The following CFAP97 variants were observed in gnomAD, a reference collection of about 807,000 sequenced individuals.
CFAP97 encodes the protein cilia and flagella associated protein 97.
A neutral mutation model predicts 43.1 loss-of-function variants in CFAP97; 36 were observed. The observed-to-expected ratio is 0.84, with a 90% CI of 0.64 to 1.10. The LOEUF is 1.10. CFAP97 is among the 50% of genes least tolerant of loss of function. The pLI is 0.00. For synonymous variants in CFAP97, 228 were observed against 225.7 expected (o/e 1.01, Z -0.09); for missense variants, 657 against 620.3 (o/e 1.06, Z -0.63).
chr4:185,196,811 A>G (rs1168205057), intron 1 of CFAP97, among the ~76,000 whole-genome samples: 4 of 152,132 alleles, frequency 2.6e-5, no homozygotes, highest in Admixed American at 2.6e-4. Context: ...GAAGAAATGT[A>G]GTTTAAGGCC....
intron 3 of CFAP97, chr4:185,169,589 A>C: frequency 1.0e-6 from 1 of 978,870 alleles, no homozygotes; most frequent in Non-Finnish European, 1.2e-6. Flanking sequence ...CATTTATTTT[A>C]TATCCAGGAA....
At chr4:185,174,263 G>A (rs144623254) in intron 3 of CFAP97, among the ~76,000 whole-genome samples, 83 of 152,262 alleles carry the variant, frequency 5.5e-4, no homozygotes, top group Middle Eastern at 3.4e-3. Flanking sequence ...TTTGACATAC[G>A]GGAATTTCAA....
chr4:185,193,627 C>T (rs545653297), intron 1 of CFAP97, among the ~76,000 whole-genome samples: 13 of 152,180 alleles, frequency 8.5e-5, no homozygotes, highest in South Asian at 2.1e-4. Context: ...CCAGCCCAGA[C>T]GACAATATGA....
chr4:185,165,946 A>C (rs1168571095), intron 3 of CFAP97, among the ~76,000 whole-genome samples: 1 of 151,538 alleles, frequency 6.6e-6, no homozygotes, highest in Middle Eastern at 3.4e-3. Flanking sequence ...GGAGAGGAGG[A>C]GGTTGTTATA....
chr4:185,201,046 C>T (rs72704040), intron 1 of CFAP97, among the ~76,000 whole-genome samples: 2 of 151,870 alleles, frequency 1.3e-5, no homozygotes, highest in East Asian at 1.9e-4. Flanking sequence ...CTGTGAGGCT[C>T]GGTGCTGTGG....
upstream of CFAP97, chr4:185,209,869 C>T (rs1737462427): frequency 5.1e-6 from 5 of 983,298 alleles, no homozygotes; most frequent in South Asian, 1.4e-4. The surrounding 1 kb of genome is among the most constrained non-coding windows in gnomAD (Gnocchi z 5.2). Context: ...CGGCCCCAGC[C>T]CCGCGCGGGC....
intron 3 of CFAP97, chr4:185,169,145 C>T (rs1248549713): frequency 6.6e-6 from 1 of 152,154 alleles, no homozygotes; most frequent in African/African-American, 2.4e-5. Context: ...TGAGTAAGTT[C>T]TGGAGATCTA....
rs1207186239 is a variant in CFAP97, at chr4:185,170,321, G to A, written c.1320+5465C>T. The A allele has an allele frequency of 4.9e-6, 3 of 616,252 alleles. No individual in the cohort carries two copies. In the Admixed American group the frequency reaches 7.7e-5, roughly 16 times the overall value. The allele number at this position is 616,252 out of a possible 1,614,324, so 38.2% of individuals were successfully genotyped here. A position where few individuals can be genotyped will look rare whatever the true frequency, so the allele number is the denominator to read the frequency against. On this transcript the variant is annotated intron_variant, in intron 3 of 4. Transcript: ENST00000458385. The stretch of plus-strand genomic sequence containing the variant: ...AGATCACGTCACTGCACTCCAGCCT[G>A]GGTGACAGAGCGAGATAGTCTAAAT...
chr4:185,167,161 C>T (rs1020083126), intron 3 of CFAP97, among the ~76,000 whole-genome samples: 2 of 151,484 alleles, frequency 1.3e-5, no homozygotes, highest in Non-Finnish European at 2.9e-5. Context: ...AACTCTTATG[C>T]AAAAGTTAAA....
chr4:185,170,647 C>T (rs969375370), intron 3 of CFAP97, among the ~76,000 whole-genome samples: 1 of 151,650 alleles, frequency 6.6e-6, no homozygotes, highest in African/African-American at 2.4e-5. Context: ...CTCCTGACCT[C>T]AGGTGATCCA....
upstream of CFAP97, chr4:185,209,631 C>CGGCCCGGCAGCTACG (rs1737402361): frequency 4.8e-6 from 3 of 621,430 alleles, no homozygotes. This position sits in a 1 kb window ranked among gnomAD's most constrained non-coding sequence, Gnocchi z 5.2. Context: ...TGGCTGCGCC[C>CGGCCCGGCAGCTACG]GGCCCGGCAG....
At chr4:185,208,172 G>A (rs917400389), upstream of CFAP97, among the ~76,000 whole-genome samples, 5 of 151,960 alleles carry the variant, frequency 3.3e-5, no homozygotes, top group Non-Finnish European at 2.9e-5. Flanking sequence ...GCAATGGCGC[G>A]ATGTCGGCTC....
chr4:185,192,836 G>T (rs1020181476), intron 1 of CFAP97, among the ~76,000 whole-genome samples: 2 of 145,820 alleles, frequency 1.4e-5, no homozygotes, highest in Admixed American at 7.3e-5. Context: ...CGCCTCCCGG[G>T]TTCACGCCAT....
intron 2 of CFAP97, chr4:185,182,086 A>G (rs1024315093): frequency 3.9e-5 from 6 of 152,152 alleles, no homozygotes; most frequent in Admixed American, 3.9e-4. Flanking sequence ...GTAGATTTTG[A>G]GGCCATGTAT....
At chr4:185,209,790 A>G, upstream of CFAP97, 2 of 983,334 alleles carry the variant, frequency 2.0e-6, no homozygotes, top group Non-Finnish European at 1.2e-6. This position sits in a 1 kb window ranked among gnomAD's most constrained non-coding sequence, Gnocchi z 5.2. Context: ...ACCGGGGGGC[A>G]GGAGATGTGC....
In CFAP97 at chr4:185,190,305, A is replaced by G. The variant is rs1736179079; in HGVS notation, c.892T>C (p.Leu298=). ...TTCAAATATTTTGAATTATTTTTCA[A>G]ATCCTCAACATCTTCATATATTTCT... ...SQEIYEDVED[L]KNNSKYLKAA... The change falls in exon 2 of 5, where the codon TTG becomes CTG. Residue 298 remains leucine (L), a synonymous_variant. Coordinates refer to ENST00000458385, the MANE Select transcript of CFAP97 (RefSeq NM_020827.3). 6.2e-7 allele frequency: 1 copy of G among 1,607,024 alleles called. No homozygotes were observed. The highest frequency in any genetic ancestry group is 1.1e-5 in the South Asian group (1 of 90,386).
chr4:185,184,246 A>G (rs533593022), intron 2 of CFAP97, among the ~76,000 whole-genome samples: 13 of 152,328 alleles, frequency 8.5e-5, no homozygotes, highest in African/African-American at 3.1e-4. Context: ...CCGTATGCAT[A>G]CTGAAGTTTG....
intron 2 of CFAP97, chr4:185,182,285 T>C (rs1735822847): frequency 6.6e-6 from 1 of 152,054 alleles, no homozygotes; most frequent in African/African-American, 2.4e-5. Flanking sequence ...TTTAATGCCC[T>C]CTCTGCCTAT....
intron 1 of CFAP97, among the ~76,000 whole-genome samples, chr4:185,193,577 T>C (rs1736402362): frequency 6.6e-6 from 1 of 152,072 alleles, no homozygotes; most frequent in Admixed American, 6.6e-5. Flanking sequence ...ACCCAGGAGG[T>C]GGAGGCTGCA....
Sources: allele counts gnomAD v4.1 joint callset (sites outside exome capture counted in the v4.1 genomes callset), GRCh38; gene constraint gnomAD v4.1.1; non-coding constraint Gnocchi (gnomAD v3.1); transcripts MANE v1.5; gene names NCBI Gene and HGNC (gene_info 2026-07-23, HGNC 2026-07-21).